The following CPB2 variants were observed in gnomAD, a reference collection of about 807,000 sequenced individuals.
CPB2 encodes the protein carboxypeptidase B-like protein.
Under a neutral mutation model 57.0 loss-of-function variants are expected in CPB2, and 54 were observed. That is an observed-to-expected ratio of 0.95 (90% CI 0.76 to 1.19). CPB2 has a LOEUF of 1.19. Ranked by LOEUF, CPB2 falls within the 50% of genes most tolerant of loss-of-function variation. The pLI is 0.00. For missense variants in CPB2, 426 were observed against 512.0 expected, an observed-to-expected ratio of 0.83 and a Z score of 1.62; for synonymous variants, 189 against 178.1, an observed-to-expected ratio of 1.06 and a Z score of -0.49.
chr13:46,102,592 GT>G (rs11328126), intron 1 of CPB2, among the ~76,000 whole-genome samples: 25,859 of 116,000 alleles, frequency 0.22, 3,319 homozygotes, highest in East Asian at 0.65. Context: ...CAGACTGTTA[GT>G]TTTTTTTTTT....
chr13:46,084,462 G>A, intron 2 of CPB2, 119 bp from the exon 3 acceptor site: 1 of 1,037,642 alleles, frequency 9.6e-7, no homozygotes, highest in Admixed American at 2.7e-5. Context: ...ACTCCCTGGT[G>A]CTGGTCCCCA....
chr13:46,054,153 A>T (rs930007728), intron 10 of CPB2, among the ~76,000 whole-genome samples: 1 of 152,212 alleles, frequency 6.6e-6, no homozygotes, highest in African/African-American at 2.4e-5. Context: ...ATGAATTCTG[A>T]TAATTTTATG....
chr13:46,058,128 A>G (rs918345527), intron 9 of CPB2, 51 bp downstream of exon 9: 4 of 1,533,942 alleles, frequency 2.6e-6, no homozygotes, highest in East Asian at 4.5e-5. Flanking sequence ...TCAACTAAGT[A>G]TTATTTTATT....
At chr13:46,065,078 T>C (rs766642904) in intron 7 of CPB2, among the ~76,000 whole-genome samples, 1 of 152,244 alleles carries the variant, frequency 6.6e-6, no homozygotes, top group African/African-American at 2.4e-5. Flanking sequence ...ATTAATTTTA[T>C]GCACAGGGTC....
At chr13:46,069,995 C>T (rs9534307) in intron 6 of CPB2, among the ~76,000 whole-genome samples, 52,253 of 152,002 alleles carry the variant, frequency 0.34, 9,210 homozygotes, top group African/African-American at 0.39. Context: ...AGTAACATAA[C>T]TGAAATCCTG....
chr13:46,061,522 A>G (rs2044772176), intron 8 of CPB2, among the ~76,000 whole-genome samples: 1 of 152,196 alleles, frequency 6.6e-6, no homozygotes, highest in Admixed American at 6.5e-5. Flanking sequence ...CCTTATAGGA[A>G]TAAAGAGAGA....
intron 1 of CPB2, among the ~76,000 whole-genome samples, chr13:46,089,881 T>C (rs1177976145): frequency 2.0e-5 from 3 of 152,178 alleles, no homozygotes; most frequent in African/African-American, 7.2e-5. Flanking sequence ...CTGCACCACT[T>C]AAGGTATTTT....
At chr13:46,067,574 G>C (rs1307124954) in intron 6 of CPB2, among the ~76,000 whole-genome samples, 157 bp from the exon 7 acceptor site, 1 of 151,952 alleles carries the variant, frequency 6.6e-6, no homozygotes, top group Non-Finnish European at 1.5e-5. Flanking sequence ...CTGAACTTAG[G>C]GTGCTACGAA....
intron 4 of CPB2, among the ~76,000 whole-genome samples, chr13:46,080,792 G>A (rs1432608735): frequency 6.6e-6 from 1 of 152,064 alleles, no homozygotes. Flanking sequence ...CCAACATGGT[G>A]AAATCCCATC....
intron 4 of CPB2, among the ~76,000 whole-genome samples, chr13:46,079,551 A>AAAAAAAG (rs2045078862): frequency 2.4e-5 from 3 of 124,704 alleles, no homozygotes; most frequent in Admixed American, 8.4e-5. Flanking sequence ...AAAAAAAAAA[A>AAAAAAAG]AAAAGAAAAG....
intron 1 of CPB2, among the ~76,000 whole-genome samples, chr13:46,102,350 G>A (rs181903460): frequency 3.9e-5 from 6 of 152,030 alleles, no homozygotes; most frequent in Admixed American, 3.9e-4. Flanking sequence ...ATAGTGTTTG[G>A]CTTTTAAAAG....
Position 46,058,221 on chromosome 13 carries a change from T to C in CPB2, c.957A>G (p.Pro319=). The C allele has an allele frequency of 6.2e-7, 1 of 1,614,100 alleles. No homozygotes were observed. Among genetic ancestry groups the C allele is most frequent in the Non-Finnish European group, 8.5e-7 (1 of 1,179,942 alleles). Residue 319 remains proline, a synonymous_variant, in exon 9 of 11, where the codon CCA becomes CCG. Transcript: ENST00000181383. ...TGCTTTTACTTCGTGTATAGGAATATGGAAACACTATATGCTGGGAGTATG... is the reference window on the plus strand; with the variant it reads ...TGCTTTTACTTCGTGTATAGGAATACGGAAACACTATATGCTGGGAGTATG... ...MHSYSQHIVF[P]YSYTRSKSKD...
At chr13:46,059,922 T>G (rs17844126) in intron 8 of CPB2, among the ~76,000 whole-genome samples, 1,917 of 152,346 alleles carry the variant, frequency 0.013, 19 homozygotes, top group South Asian at 0.027. Context: ...TATTTCATTT[T>G]TAACCAATAA....
intron 7 of CPB2, among the ~76,000 whole-genome samples, chr13:46,065,453 C>T (rs2044838880): frequency 6.6e-6 from 1 of 151,830 alleles, no homozygotes; most frequent in Admixed American, 6.6e-5. Flanking sequence ...GGTGAAACCC[C>T]ATCTCTACTA....
intron 5 of CPB2, among the ~76,000 whole-genome samples, chr13:46,077,233 A>C (rs865844175): frequency 1.3e-5 from 2 of 152,336 alleles, no homozygotes; most frequent in Middle Eastern, 3.4e-3. Context: ...AAGGAAAAAA[A>C]CAAATAATCC....
intron 10 of CPB2, among the ~76,000 whole-genome samples, chr13:46,054,090 C>A (rs1566392760): frequency 6.6e-6 from 1 of 152,156 alleles, no homozygotes; most frequent in South Asian, 2.1e-4. Context: ...TATACTTCCA[C>A]AAGCAGGGTA....
intron 1 of CPB2, among the ~76,000 whole-genome samples, chr13:46,097,662 G>A (rs181693679): frequency 1.2e-3 from 179 of 152,240 alleles, no homozygotes; most frequent in Non-Finnish European, 2.2e-3. Context: ...AATAAAAATG[G>A]TTTGTTGAAG....
At chr13:46,081,484 A>AGGGG (rs925080261) in intron 4 of CPB2, among the ~76,000 whole-genome samples, 3 of 151,986 alleles carry the variant, frequency 2.0e-5, no homozygotes, top group African/African-American at 7.3e-5. Flanking sequence ...AGATTAAAAA[A>AGGGG]GGGGGGGTGC....
chr13:46,104,594 G>A (rs2045472018), intron 1 of CPB2, among the ~76,000 whole-genome samples: 1 of 152,088 alleles, frequency 6.6e-6, no homozygotes, highest in Admixed American at 6.5e-5. Context: ...CTTTTTTTAT[G>A]TGAAGACAGG....
Sources: gnomAD v4.1 joint callset for allele counts (sites outside exome capture counted in the v4.1 genomes callset) on GRCh38, gnomAD v4.1.1 for gene constraint, MANE v1.5 for transcripts, NCBI Gene and HGNC (gene_info 2026-07-23, HGNC 2026-07-21) for gene names.